The following PKNOX2 variants were observed in gnomAD, a reference collection of about 807,000 sequenced individuals.
PKNOX2 encodes homeobox protein PKNOX2.
A neutral mutation model predicts 53.1 loss-of-function variants in PKNOX2; 14 were observed. The ratio of observed to expected loss-of-function variants is 0.26; its 90% CI spans 0.17 to 0.41. The LOEUF is 0.41. Ranked by LOEUF, PKNOX2 falls within the 10% of genes least tolerant of loss-of-function variation. PKNOX2 has a pLI of 1.00. For synonymous variants in PKNOX2, 257 were observed against 242.8 expected, an observed-to-expected ratio of 1.06 and a Z score of -0.54; for missense variants, 496 against 602.8, an observed-to-expected ratio of 0.82 and a Z score of 1.85.
chr11:125,370,791 C>T lies in PKNOX2; in HGVS notation c.227+2806C>T, dbSNP rs1365492896. On this transcript the variant is annotated intron_variant, in intron 5 of 12. Transcript: ENST00000298282. This position sits in a 1 kb window ranked among gnomAD's most constrained non-coding sequence, Gnocchi z 4.1. Reference sequence around the variant, plus strand: ...GGTCGGGTAATTTTAATTAGATTTGCCTGCCTGGGGCAGCCTGGCTGCTCC... The same window carrying T: ...GGTCGGGTAATTTTAATTAGATTTGTCTGCCTGGGGCAGCCTGGCTGCTCC... Among the ~76,000 whole-genome samples, 1 of 152,226 alleles carries T rather than the reference C, an allele frequency of 6.6e-6. No individual in the cohort carries two copies. Among genetic ancestry groups the T allele is most frequent in the African/African-American group, 2.4e-5 (1 of 41,462 alleles).
In PKNOX2 at chr11:125,269,118, TAAAG is replaced by T. The variant is rs561393316; in HGVS notation, c.-130+34008_-130+34011del. Reference sequence around the variant, plus strand: ...TCTTGTAAATTTTTAATCTGAAAAATAAAGAAAGTGTGAATTAGAATTAATGCAG... The same window carrying T: ...TCTTGTAAATTTTTAATCTGAAAAATAAAGTGTGAATTAGAATTAATGCAG... On this transcript the variant is annotated intron_variant, in intron 2 of 12. Coordinates refer to ENST00000298282, the MANE Select transcript of PKNOX2 (RefSeq NM_001382323.2). Among the ~76,000 whole-genome samples the T allele has an allele frequency of 1.6e-4, 24 of 152,316 alleles. No individual in the cohort carries two copies. In the South Asian group the frequency reaches 5.0e-3, roughly 32 times the overall value.
intron 4 of PKNOX2, among the ~76,000 whole-genome samples, chr11:125,357,931 G>A (rs1166243402): frequency 6.6e-6 from 1 of 152,072 alleles, no homozygotes; most frequent in Admixed American, 6.5e-5. Context: ...TGGGCCATGC[G>A]GACATTGTGC....
Position 125,265,625 on chromosome 11 carries a change from T to C in PKNOX2, c.-130+30510T>C, listed in dbSNP as rs554007932. 2.3e-3 allele frequency among the ~76,000 whole-genome samples: 347 copies of C among 152,296 alleles called. 1 individual carries two copies. Among genetic ancestry groups the C allele is most frequent in the South Asian group, 9.3e-3 (45 of 4,822 alleles). ...CTCCATCCCAGACCTTCAGAGAGCC[T>C]GAACAGAGGCAGGGGCAGTGCGGGG... On this transcript the variant is annotated intron_variant, in intron 2 of 12. Transcript: ENST00000298282.
intron 5 of PKNOX2, among the ~76,000 whole-genome samples, chr11:125,376,745 TG>T (rs1213117402): frequency 7.9e-5 from 12 of 152,222 alleles, no homozygotes; most frequent in African/African-American, 2.7e-4. Flanking sequence ...TGCCATATAC[TG>T]TGCCTAACCC....
intron 1 of PKNOX2, among the ~76,000 whole-genome samples, chr11:125,167,827 C>T (rs1428038478): frequency 6.6e-6 from 1 of 152,186 alleles, no homozygotes; most frequent in African/African-American, 2.4e-5. Context: ...AGGGAGCTTG[C>T]TGGATCCCAC....
At chr11:125,234,545 G>A (rs1009494747) in intron 1 of PKNOX2, among the ~76,000 whole-genome samples, 2 of 152,146 alleles carry the variant, frequency 1.3e-5, no homozygotes, top group African/African-American at 2.4e-5. Context: ...TCTGCAGCAA[G>A]ACTTTCATAT....
chr11:125,315,580 G>A (rs1390963623), intron 2 of PKNOX2, among the ~76,000 whole-genome samples: 1 of 152,182 alleles, frequency 6.6e-6, no homozygotes, highest in Non-Finnish European at 1.5e-5. Context: ...CCACCCCAGG[G>A]TGCAGCTGGC....
chr11:125,361,145 T>C (rs1366966003), intron 4 of PKNOX2, among the ~76,000 whole-genome samples: 2 of 152,252 alleles, frequency 1.3e-5, no homozygotes, highest in African/African-American at 4.8e-5. Context: ...TCATTCCTGA[T>C]TCAACAGATA....
chr11:125,423,953 A>G (rs1322594052), intron 10 of PKNOX2, among the ~76,000 whole-genome samples: 1 of 152,222 alleles, frequency 6.6e-6, no homozygotes, highest in Non-Finnish European at 1.5e-5. Flanking sequence ...AGGAACAATT[A>G]CAGTTAAACA....
intron 1 of PKNOX2, among the ~76,000 whole-genome samples, chr11:125,194,458 C>T (rs602016): frequency 0.21 from 31,225 of 151,936 alleles, 3,807 homozygotes; most frequent in South Asian, 0.33. Flanking sequence ...GCTCCCAGTC[C>T]CCCACCCCCA....
At chr11:125,411,713 C>T (rs1213451909) in intron 9 of PKNOX2, 33 bp from the exon 10 acceptor site, 2 of 1,613,660 alleles carry the variant, frequency 1.2e-6, no homozygotes, top group East Asian at 2.2e-5. Flanking sequence ...TCACAGGCTG[C>T]TGATGCTGAT....
At chr11:125,378,703 G>A (rs1952996386) in intron 5 of PKNOX2, among the ~76,000 whole-genome samples, 1 of 152,214 alleles carries the variant, frequency 6.6e-6, no homozygotes, top group African/African-American at 2.4e-5. Context: ...GGAAGGGATG[G>A]CTGAGAGGCT....
At chr11:125,295,458 ATG>A (rs1410411161) in intron 2 of PKNOX2, among the ~76,000 whole-genome samples, 1 of 152,116 alleles carries the variant, frequency 6.6e-6, no homozygotes, top group African/African-American at 2.4e-5. Context: ...ATGCCTGTGC[ATG>A]TGTGTGTGTG....
At chr11:125,369,060 T>C (rs111328155) in intron 5 of PKNOX2, among the ~76,000 whole-genome samples, 2,810 of 152,316 alleles carry the variant, frequency 0.018, 68 homozygotes, top group African/African-American at 0.053. Context: ...TCTGAATCCT[T>C]CCCCACCACC....
chr11:125,284,085 T>C (rs1241978423), intron 2 of PKNOX2, among the ~76,000 whole-genome samples: 2 of 152,164 alleles, frequency 1.3e-5, no homozygotes, highest in African/African-American at 2.4e-5. Flanking sequence ...CATCGGTAGA[T>C]GGAAATAGTA....
intron 2 of PKNOX2, among the ~76,000 whole-genome samples, chr11:125,265,503 ACTC>A (rs1463091590): frequency 6.6e-6 from 1 of 150,948 alleles, no homozygotes; most frequent in Admixed American, 6.6e-5. Context: ...CACCTGACCC[ACTC>A]CTCCTTCAGT....
chr11:125,408,398 CTCTG>C (rs1307631912), intron 7 of PKNOX2, among the ~76,000 whole-genome samples: 1 of 152,252 alleles, frequency 6.6e-6, no homozygotes, highest in Non-Finnish European at 1.5e-5. Context: ...GAGCTGCCCC[CTCTG>C]TTCCCCAAGG....
intron 7 of PKNOX2, among the ~76,000 whole-genome samples, chr11:125,400,308 C>A (rs190312629): frequency 6.6e-6 from 1 of 152,184 alleles, no homozygotes; most frequent in Admixed American, 6.5e-5. Context: ...GGGGTAAATA[C>A]GGTGATTACA....
intron 1 of PKNOX2, among the ~76,000 whole-genome samples, chr11:125,197,817 C>G (rs1937917877): frequency 6.6e-6 from 1 of 152,170 alleles, no homozygotes; most frequent in South Asian, 2.1e-4. Context: ...TCCTGGTGAT[C>G]TCAGGGTGGG....
Sources: allele counts gnomAD v4.1 joint callset (sites outside exome capture counted in the v4.1 genomes callset), GRCh38; gene constraint gnomAD v4.1.1; non-coding constraint Gnocchi (gnomAD v3.1); transcripts MANE v1.5; gene names NCBI Gene and HGNC (gene_info 2026-07-23, HGNC 2026-07-21).